The following KCTD8 variants were observed in gnomAD, a reference collection of about 807,000 sequenced individuals.
The protein encoded by KCTD8 is potassium channel tetramerization domain containing 8.
In KCTD8, 27 loss-of-function variants were observed where a neutral mutation model predicts 31.5. The observed-to-expected ratio is 0.86, with a 90% confidence interval of 0.63 to 1.18. The LOEUF (loss-of-function observed/expected upper bound fraction) is 1.18. Ranked by LOEUF, KCTD8 falls within the 50% of genes most tolerant of loss-of-function variation. KCTD8 has a pLI of 0.00. For missense variants in KCTD8, 658 were observed against 647.7 expected (o/e 1.02, Z -0.17); for synonymous variants, 290 against 280.0 (o/e 1.04, Z -0.36).
At chr4:44,357,997 CA>C (rs1375091254) in intron 1 of KCTD8, among the ~76,000 whole-genome samples, 1 of 151,924 alleles carries the variant, frequency 6.6e-6, no homozygotes, top group East Asian at 1.9e-4. Flanking sequence ...GTGCTGCACC[CA>C]ACAACCCATC....
intron 1 of KCTD8, among the ~76,000 whole-genome samples, chr4:44,191,385 G>C (rs551169687): frequency 6.6e-6 from 1 of 152,032 alleles, no homozygotes; most frequent in Non-Finnish European, 1.5e-5. Flanking sequence ...GAATAACAAC[G>C]ATTTTAAGGA....
chr4:44,422,439 A>G (rs1423781467), intron 1 of KCTD8, among the ~76,000 whole-genome samples: 3 of 152,142 alleles, frequency 2.0e-5, no homozygotes, highest in Non-Finnish European at 4.4e-5. Flanking sequence ...CTTGAAGGGT[A>G]GATGTAGTTT....
At chr4:44,425,801 T>C (rs546871985) in intron 1 of KCTD8, among the ~76,000 whole-genome samples, 1 of 152,004 alleles carries the variant, frequency 6.6e-6, no homozygotes, top group African/African-American at 2.4e-5. Flanking sequence ...GAAACATCCT[T>C]GTGGGATGAT....
At chr4:44,205,145 T>C (rs1373620504) in intron 1 of KCTD8, among the ~76,000 whole-genome samples, 2 of 152,112 alleles carry the variant, frequency 1.3e-5, no homozygotes, top group Non-Finnish European at 2.9e-5. Flanking sequence ...CTCATGAAAA[T>C]ATTTCATGTA....
chr4:44,235,931 T>C (rs1399819897), intron 1 of KCTD8, among the ~76,000 whole-genome samples: 1 of 151,734 alleles, frequency 6.6e-6, no homozygotes, highest in Non-Finnish European at 1.5e-5. Context: ...AGAGGTTAAT[T>C]AAGGGAATAT....
chr4:44,348,142 C>T (rs1191547909), intron 1 of KCTD8, among the ~76,000 whole-genome samples: 1 of 151,972 alleles, frequency 6.6e-6, no homozygotes, highest in Non-Finnish European at 1.5e-5. Flanking sequence ...CTGTATTACA[C>T]AAAAAAGAAC....
intron 1 of KCTD8, among the ~76,000 whole-genome samples, chr4:44,378,727 G>A (rs1719983003): frequency 6.6e-6 from 1 of 152,038 alleles, no homozygotes; most frequent in South Asian, 2.1e-4. Context: ...ATAAAGATTT[G>A]GGGGTTGTAT....
At chr4:44,371,043 C>T (rs1184489838) in intron 1 of KCTD8, among the ~76,000 whole-genome samples, 2 of 152,030 alleles carry the variant, frequency 1.3e-5, no homozygotes, top group Non-Finnish European at 2.9e-5. Context: ...GACTGATGGC[C>T]TGAGAACCAG....
At chr4:44,366,830 A>T (rs1719652018) in intron 1 of KCTD8, among the ~76,000 whole-genome samples, 1 of 152,140 alleles carries the variant, frequency 6.6e-6, no homozygotes, top group South Asian at 2.1e-4. Context: ...ACCGTATGGC[A>T]GGTGGGATCT....
chr4:44,425,300 T>C (rs1250225332), intron 1 of KCTD8, among the ~76,000 whole-genome samples: 1 of 152,036 alleles, frequency 6.6e-6, no homozygotes, highest in African/African-American at 2.4e-5. Context: ...ACTAATGTTG[T>C]CCTACCTGCA....
chr4:44,395,193 C>A (rs1720468575), intron 1 of KCTD8, among the ~76,000 whole-genome samples: 1 of 151,620 alleles, frequency 6.6e-6, no homozygotes, highest in South Asian at 2.1e-4. Flanking sequence ...TGATAGTCTA[C>A]AAAAAAACAG....
chr4:44,244,638 T>C (rs527571305), intron 1 of KCTD8, among the ~76,000 whole-genome samples: 1 of 152,280 alleles, frequency 6.6e-6, no homozygotes, highest in South Asian at 2.1e-4. Context: ...GAACTGGTCA[T>C]AAAGAAATTC....
rs77992016 is a variant in KCTD8, at chr4:44,179,080, A to G, written c.962-3830T>C. Reference sequence around the variant, plus strand: ...TTTACATGTGTGTAGAATGATCCCTATAATTTTCTGGGAAGATGAACTAAG... The same window carrying G: ...TTTACATGTGTGTAGAATGATCCCTGTAATTTTCTGGGAAGATGAACTAAG... On this transcript the variant is annotated intron_variant, in intron 1 of 1. Transcript: ENST00000360029. Among the ~76,000 whole-genome samples, 226 of 152,292 alleles carry G rather than the reference A, an allele frequency of 1.5e-3. 6 individuals are homozygous for G. In the East Asian group the frequency reaches 0.037, roughly 25 times the overall value.
At chr4:44,308,825 C>A (rs1436191828) in intron 1 of KCTD8, among the ~76,000 whole-genome samples, 1 of 152,028 alleles carries the variant, frequency 6.6e-6, no homozygotes, top group African/African-American at 2.4e-5. Flanking sequence ...CATATTGAAT[C>A]ACTGCCATAT....
At chr4:44,271,694 G>A (rs755113237) in intron 1 of KCTD8, among the ~76,000 whole-genome samples, 2 of 152,134 alleles carry the variant, frequency 1.3e-5, no homozygotes, top group Non-Finnish European at 2.9e-5. Flanking sequence ...GTGCCTTAAG[G>A]ACATGTTCCT....
intron 1 of KCTD8, among the ~76,000 whole-genome samples, chr4:44,441,547 G>A (rs1293083006): frequency 6.6e-6 from 1 of 152,134 alleles, no homozygotes; most frequent in Non-Finnish European, 1.5e-5. Flanking sequence ...AGTAGACACT[G>A]AAATATATTT....
At chr4:44,385,257 T>C (rs1373817328) in intron 1 of KCTD8, among the ~76,000 whole-genome samples, 1 of 151,568 alleles carries the variant, frequency 6.6e-6, no homozygotes, top group Non-Finnish European at 1.5e-5. Context: ...GGGACCTAAA[T>C]AACCAAAATA....
chr4:44,389,317 A>C (rs1267199725), intron 1 of KCTD8, among the ~76,000 whole-genome samples: 1 of 151,822 alleles, frequency 6.6e-6, no homozygotes, highest in Non-Finnish European at 1.5e-5. Flanking sequence ...TAAATGCTTG[A>C]GGTGATGGAA....
At chr4:44,337,075 AAC>A (rs1197396422) in intron 1 of KCTD8, among the ~76,000 whole-genome samples, 2 of 152,172 alleles carry the variant, frequency 1.3e-5, no homozygotes, top group Non-Finnish European at 2.9e-5. Flanking sequence ...AGAAGATAGA[AAC>A]ACAAGTAATA....
Sources: allele counts gnomAD v4.1 joint callset (sites outside exome capture counted in the v4.1 genomes callset), GRCh38; gene constraint gnomAD v4.1.1; transcripts MANE v1.5; gene names NCBI Gene and HGNC (gene_info 2026-07-23, HGNC 2026-07-21).